The following UBASH3B variants were observed in gnomAD, a reference collection of about 807,000 sequenced individuals.
UBASH3B encodes ubiquitin-associated and SH3 domain-containing protein B.
A neutral mutation model predicts 83.4 loss-of-function variants in UBASH3B; 37 were observed. The observed-to-expected ratio is 0.44, with a 90% CI of 0.34 to 0.58. The LOEUF is 0.58. Ranked by LOEUF, UBASH3B falls within the 20% of genes least tolerant of loss-of-function variation. UBASH3B has a pLI of 0.01. For synonymous variants in UBASH3B, 304 were observed against 318.3 expected (o/e 0.96, Z 0.48); for missense variants, 657 against 827.2 (o/e 0.79, Z 2.52).
intron 1 of UBASH3B, among the ~76,000 whole-genome samples, chr11:122,690,321 T>C (rs191839940): frequency 7.1e-6 from 1 of 141,046 alleles, no homozygotes; most frequent in African/African-American, 2.6e-5. Context: ...TATATATATA[T>C]AATGAGGATT....
At chr11:122,701,405 TAA>T (rs1397655483) in intron 1 of UBASH3B, among the ~76,000 whole-genome samples, 1 of 152,164 alleles carries the variant, frequency 6.6e-6, no homozygotes, top group East Asian at 1.9e-4. Flanking sequence ...GAACTCTTAT[TAA>T]TGAGAACGAG....
At position 122,783,128 on chromosome 11, in the gene UBASH3B, C is replaced by A. The variant is rs543624025; in HGVS notation, c.677C>A (p.Thr226Asn). 1 of 1,614,176 alleles carries A rather than the reference C, an allele frequency of 6.2e-7. No individual in the cohort carries two copies. The highest frequency in any genetic ancestry group is 1.3e-5 in the African/African-American group (1 of 75,042). The part of the protein sequence containing the change: ...AYHFQASHLP[T>N]LEKLAQNIDV... ...CACTTCCAAGCCAGCCACCTACCCA[C>A]CCTAGAGAAACTGGCCCAGAACATT... Residue 226 changes from threonine (T) to asparagine (N), a missense_variant, in exon 5 of 14, where the codon ACC (threonine) becomes AAC (asparagine). This residue lies in a region of UBASH3B where 573 missense variants were observed against 739.0 expected (regional missense o/e 0.78). Coordinates refer to ENST00000284273, the MANE Select transcript of UBASH3B (RefSeq NM_032873.5).
At chr11:122,662,777 C>T (rs1474593518) in intron 1 of UBASH3B, among the ~76,000 whole-genome samples, 2 of 152,104 alleles carry the variant, frequency 1.3e-5, no homozygotes, top group African/African-American at 2.4e-5. Flanking sequence ...CCTAGATTTG[C>T]ATGTAGGTCA....
intron 11 of UBASH3B, among the ~76,000 whole-genome samples, chr11:122,804,313 G>T (rs756408585): frequency 6.6e-6 from 1 of 152,132 alleles, no homozygotes; most frequent in African/African-American, 2.4e-5. Context: ...ATCCCCCAGG[G>T]TGTTGTGAGA....
At chr11:122,692,678 G>T (rs956078613) in intron 1 of UBASH3B, among the ~76,000 whole-genome samples, 2 of 152,218 alleles carry the variant, frequency 1.3e-5, no homozygotes, top group Non-Finnish European at 2.9e-5. Flanking sequence ...GGGAAAGACA[G>T]GGTTTGTCTC....
In UBASH3B at chr11:122,721,397, G is replaced by A. The variant is rs1860635260; in HGVS notation, c.162-54822G>A. Among the ~76,000 whole-genome samples the A allele has an allele frequency of 2.0e-5, 3 of 152,094 alleles. No homozygotes were observed. The South Asian group carries it at 6.2e-4, about 31-fold the overall frequency. On this transcript the variant is annotated intron_variant, in intron 1 of 13. Transcript: ENST00000284273. ...ACGGGGGGGTGGGAGTGGGAATGTG[G>A]TGGCTGGGAGGACCACTAAATCTTT...
intron 1 of UBASH3B, among the ~76,000 whole-genome samples, chr11:122,657,905 G>C (rs1314303961): frequency 1.3e-5 from 2 of 152,146 alleles, no homozygotes; most frequent in African/African-American, 4.8e-5. Context: ...AAAAACTGGA[G>C]GTGGGGCTGG....
intron 1 of UBASH3B, among the ~76,000 whole-genome samples, chr11:122,720,293 G>A (rs527450584): frequency 6.6e-6 from 1 of 152,098 alleles, no homozygotes; most frequent in Non-Finnish European, 1.5e-5. Context: ...CACCCTTAGC[G>A]CCTCACTTTT....
chr11:122,706,587 G>A (rs1864122849), intron 1 of UBASH3B, among the ~76,000 whole-genome samples: 1 of 152,148 alleles, frequency 6.6e-6, no homozygotes, highest in Non-Finnish European at 1.5e-5. Context: ...CTGTGGAAGG[G>A]CTCAAGGATA....
chr11:122,722,018 G>C (rs1860647455), intron 1 of UBASH3B, among the ~76,000 whole-genome samples: 1 of 152,208 alleles, frequency 6.6e-6, no homozygotes, highest in African/African-American at 2.4e-5. Flanking sequence ...TAATGCATTA[G>C]TCATCATACT....
intron 1 of UBASH3B, among the ~76,000 whole-genome samples, chr11:122,672,842 A>G (rs903434939): frequency 1.3e-5 from 2 of 152,124 alleles, no homozygotes; most frequent in Admixed American, 1.3e-4. Flanking sequence ...GAGCATACCT[A>G]AAGTCCCTGG....
chr11:122,739,161 T>G (rs1860984314), intron 1 of UBASH3B, among the ~76,000 whole-genome samples: 1 of 152,070 alleles, frequency 6.6e-6, no homozygotes, highest in Non-Finnish European at 1.5e-5. Context: ...CACACCCGGG[T>G]AATTTGTAAA....
At chr11:122,804,840 A>G (rs1861310489) in intron 11 of UBASH3B, among the ~76,000 whole-genome samples, 1 of 152,182 alleles carries the variant, frequency 6.6e-6, no homozygotes, top group Non-Finnish European at 1.5e-5. Context: ...AAAATAAGAA[A>G]ATTGAAATGA....
intron 1 of UBASH3B, among the ~76,000 whole-genome samples, chr11:122,733,772 G>C (rs1860885309): frequency 6.6e-6 from 1 of 152,204 alleles, no homozygotes; most frequent in African/African-American, 2.4e-5. Context: ...GTAATGTCTT[G>C]TCTTATTGAA....
At chr11:122,717,077 G>A (rs1337582532) in intron 1 of UBASH3B, among the ~76,000 whole-genome samples, 1 of 152,148 alleles carries the variant, frequency 6.6e-6, no homozygotes, top group Non-Finnish European at 1.5e-5. Flanking sequence ...ACTATGCTTA[G>A]GACCAGCCCA....
chr11:122,767,285 A>G (rs1431279879), intron 1 of UBASH3B, among the ~76,000 whole-genome samples: 1 of 137,384 alleles, frequency 7.3e-6, no homozygotes, highest in Admixed American at 7.6e-5. Context: ...AAAAAAAGTA[A>G]TCTCTGATAG....
intron 1 of UBASH3B, among the ~76,000 whole-genome samples, chr11:122,716,002 C>A (rs1285853492): frequency 1.3e-5 from 2 of 152,242 alleles, no homozygotes; most frequent in African/African-American, 4.8e-5. Context: ...GTCCCTGTTT[C>A]AGCTTTCTCT....
chr11:122,800,677 T>C lies in UBASH3B; in HGVS notation c.1451-511T>C, dbSNP rs12364700. On this transcript the variant is annotated intron_variant, in intron 10 of 13. Coordinates refer to ENST00000284273, the MANE Select transcript of UBASH3B (RefSeq NM_032873.5). Reference sequence around the variant, plus strand: ...AGGCTGGAGTGCAGCTGCACAATCTTGGCTCACTACAACTTTCGCCTCCTG... The same window carrying C: ...AGGCTGGAGTGCAGCTGCACAATCTCGGCTCACTACAACTTTCGCCTCCTG... Among the ~76,000 whole-genome samples the C allele has an allele frequency of 2.4e-4, 37 of 152,130 alleles. No individual in the cohort carries two copies. The East Asian group carries it at 6.6e-3, about 27-fold the overall frequency.
intron 4 of UBASH3B, among the ~76,000 whole-genome samples, chr11:122,781,518 G>T (rs567963878): frequency 1.3e-5 from 2 of 152,238 alleles, no homozygotes; most frequent in Non-Finnish European, 2.9e-5. Context: ...TGTGGGACGC[G>T]GGTGGAGCCA....
Sources: gnomAD v4.1 joint callset for allele counts (sites outside exome capture counted in the v4.1 genomes callset) on GRCh38, gnomAD v4.1.1 for gene constraint, gnomAD v4.1.1 regional missense constraint, MANE v1.5 for transcripts, NCBI Gene and HGNC (gene_info 2026-07-23, HGNC 2026-07-21) for gene names.